Variants in JMJD1C observed in about 807,000 individuals in gnomAD.
JMJD1C encodes the protein jumonji domain-containing protein 1C.
JMJD1C carries 31 observed loss-of-function variants against 245.3 expected under a neutral mutation model. The observed-to-expected ratio is 0.13, with a 90% confidence interval of 0.09 to 0.17. JMJD1C has a LOEUF of 0.17. Ranked by LOEUF, JMJD1C falls within the 10% of genes least tolerant of loss-of-function variation. The pLI, the probability that JMJD1C is intolerant of heterozygous loss-of-function variation, is 1.00. For missense variants in JMJD1C, 2,691 were observed against 3,000.2 expected (o/e 0.90, Z 2.41); for synonymous variants, 1,057 against 1,017.4 (o/e 1.04, Z -0.74).
chr10:63,423,043 C>T (rs1314763421), intron 1 of JMJD1C, among the ~76,000 whole-genome samples: 1 of 151,618 alleles, frequency 6.6e-6, no homozygotes, highest in African/African-American at 2.4e-5. Context: ...CGGCTCACTG[C>T]AAACTTTGCC....
intron 2 of JMJD1C, among the ~76,000 whole-genome samples, chr10:63,341,723 G>A (rs577117621): frequency 1.6e-4 from 25 of 152,216 alleles, no homozygotes; most frequent in Admixed American, 2.6e-4. Flanking sequence ...AATAATGTTC[G>A]TGTCATGTAC....
chr10:63,306,603 AC>A (rs1292758185), intron 2 of JMJD1C, among the ~76,000 whole-genome samples: 1 of 152,212 alleles, frequency 6.6e-6, no homozygotes, highest in Non-Finnish European at 1.5e-5. Flanking sequence ...ACCTAGGCTT[AC>A]CTATTTCACA....
chr10:63,177,604 G>A, intron 23 of JMJD1C, 113 bp downstream of exon 23: 1 of 1,101,548 alleles, frequency 9.1e-7, no homozygotes, highest in East Asian at 2.5e-5. Flanking sequence ...CATCTACTTT[G>A]AAGTAAAAAT....
At chr10:63,356,692 T>G (rs996789479) in intron 2 of JMJD1C, among the ~76,000 whole-genome samples, 4 of 152,178 alleles carry the variant, frequency 2.6e-5, no homozygotes, top group Non-Finnish European at 4.4e-5. Context: ...TTGGTAAATA[T>G]TTATGTTTAC....
intron 10 of JMJD1C, chr10:63,204,938 T>G: frequency 2.0e-6 from 2 of 985,398 alleles, no homozygotes; most frequent in Non-Finnish European, 2.4e-6. Flanking sequence ...GAAAGTACTT[T>G]GAGTGTCCAC....
intron 3 of JMJD1C, among the ~76,000 whole-genome samples, chr10:63,241,633 T>C (rs895532639): frequency 2.6e-5 from 4 of 152,324 alleles, no homozygotes; most frequent in African/African-American, 9.6e-5. Flanking sequence ...GTATGTTATT[T>C]TTTCAATCTT....
intron 2 of JMJD1C, among the ~76,000 whole-genome samples, chr10:63,354,949 G>C (rs971256548): frequency 6.6e-6 from 1 of 151,762 alleles, no homozygotes; most frequent in Admixed American, 6.6e-5. Flanking sequence ...CTGAAGCCTA[G>C]GGAGTGGAAG....
intron 3 of JMJD1C, among the ~76,000 whole-genome samples, chr10:63,223,936 T>C (rs1034859549): frequency 1.3e-5 from 2 of 152,116 alleles, no homozygotes; most frequent in African/African-American, 4.8e-5. Context: ...GTATTTTTAG[T>C]AGAGACGGGG....
At chr10:63,189,493 TCAAATA>T (rs1279056847) in intron 17 of JMJD1C, 47 bp from the exon 18 acceptor site, 1 of 1,507,062 alleles carries the variant, frequency 6.6e-7, no homozygotes, top group Non-Finnish European at 8.9e-7. Flanking sequence ...TTGAGAGAAA[TCAAATA>T]CATTTTCCTC....
intron 10 of JMJD1C, chr10:63,203,908 G>A (rs1001849611): frequency 1.0e-6 from 1 of 978,446 alleles, no homozygotes; most frequent in East Asian, 1.1e-4. Flanking sequence ...ACAATAGAAA[G>A]AAAATAGACA....
intron 2 of JMJD1C, among the ~76,000 whole-genome samples, chr10:63,318,391 T>C (rs1041635344): frequency 6.6e-6 from 1 of 152,188 alleles, no homozygotes; most frequent in African/African-American, 2.4e-5. Context: ...TCATTTGTGT[T>C]GTTCACCTCT....
intron 2 of JMJD1C, among the ~76,000 whole-genome samples, chr10:63,315,759 G>C (rs950801599): frequency 2.7e-5 from 4 of 146,110 alleles, no homozygotes; most frequent in African/African-American, 1.0e-4. Context: ...GGAATCACTT[G>C]AACCCACGAG....
At chr10:63,217,378 T>C in intron 4 of JMJD1C, 47 bp from the exon 5 acceptor site, 2 of 1,439,364 alleles carry the variant, frequency 1.4e-6, no homozygotes, top group Non-Finnish European at 1.9e-6. Flanking sequence ...GGAGACATCT[T>C]CATTTAATAA....
At chr10:63,451,311 T>G (rs1242347652) in intron 1 of JMJD1C, among the ~76,000 whole-genome samples, 1 of 152,082 alleles carries the variant, frequency 6.6e-6, no homozygotes, top group Non-Finnish European at 1.5e-5. Flanking sequence ...AGGGGACCCT[T>G]AACAGCCAAA....
intron 21 of JMJD1C, 52 bp downstream of exon 21, chr10:63,184,556 T>TA: frequency 6.5e-7 from 1 of 1,529,262 alleles, no homozygotes; most frequent in Non-Finnish European, 8.8e-7. Flanking sequence ...AGCAAAAATT[T>TA]TAAAAAATCC....
chr10:63,371,660 ACTT>A (rs1946332911), intron 2 of JMJD1C, among the ~76,000 whole-genome samples: 1 of 140,016 alleles, frequency 7.1e-6, no homozygotes, highest in Non-Finnish European at 1.6e-5. Flanking sequence ...AAGAGTATGA[ACTT>A]CTTATGGTTC....
upstream of JMJD1C, among the ~76,000 whole-genome samples, chr10:63,470,976 G>A (rs1193943210): frequency 6.6e-6 from 1 of 152,160 alleles, no homozygotes; most frequent in Non-Finnish European, 1.5e-5. Flanking sequence ...AATCTGCTGA[G>A]TGAGGAACTA....
chr10:63,400,101 A>G (rs1390379901), intron 1 of JMJD1C, among the ~76,000 whole-genome samples: 4 of 152,188 alleles, frequency 2.6e-5, no homozygotes, highest in Non-Finnish European at 4.4e-5. Flanking sequence ...TGATTTTTAT[A>G]CCTACATAAT....
chr10:63,399,349 A>C (rs1948709921), intron 1 of JMJD1C, among the ~76,000 whole-genome samples: 1 of 152,134 alleles, frequency 6.6e-6, no homozygotes, highest in African/African-American at 2.4e-5. Flanking sequence ...TATCCAAGGA[A>C]CCCTGGTACT....
Sources: gnomAD v4.1 joint callset for allele counts (sites outside exome capture counted in the v4.1 genomes callset) on GRCh38, gnomAD v4.1.1 for gene constraint, MANE v1.5 for transcripts, NCBI Gene and HGNC (gene_info 2026-07-23, HGNC 2026-07-21) for gene names.